DCC: variants seen among roughly 807,000 people sequenced by gnomAD.
DCC encodes netrin receptor DCC.
In DCC, 58 loss-of-function variants were observed where a neutral mutation model predicts 172.5. That is an observed-to-expected ratio of 0.34 (90% confidence interval 0.27 to 0.42). The LOEUF is 0.42. Among genes scored for constraint, DCC ranks in the 10% least tolerant of loss-of-function variants. The pLI is 1.00. For missense variants in DCC, 1,740 were observed against 1,791.0 expected (o/e 0.97, Z 0.51); for synonymous variants, 709 against 644.5 (o/e 1.10, Z -1.52).
At chr18:52,865,775 A>C (rs758061747) in intron 2 of DCC, among the ~76,000 whole-genome samples, 2 of 152,004 alleles carry the variant, frequency 1.3e-5, no homozygotes, top group Non-Finnish European at 2.9e-5. Context: ...TAGATTGCAA[A>C]ATTTTTCTCC....
chr18:53,148,865 C>CT (rs5824990), intron 7 of DCC, among the ~76,000 whole-genome samples: 5,005 of 109,750 alleles, frequency 0.046, 379 homozygotes, highest in African/African-American at 0.066. Flanking sequence ...TTCCCAATGC[C>CT]TTTTTTTTTT....
chr18:52,546,446 G>A (rs890900680), intron 1 of DCC, among the ~76,000 whole-genome samples: 28 of 152,096 alleles, frequency 1.8e-4, no homozygotes, highest in African/African-American at 6.8e-4. Flanking sequence ...TTATGAAGTA[G>A]ATTTTTCTTC....
intron 2 of DCC, among the ~76,000 whole-genome samples, chr18:52,888,028 ATGAAG>A (rs2039593862): frequency 6.6e-6 from 1 of 152,256 alleles, no homozygotes; most frequent in Non-Finnish European, 1.5e-5. Flanking sequence ...CACTTAATAA[ATGAAG>A]TGAGTCTCTT....
In DCC at chr18:52,771,840, G is replaced by A. The variant is rs1245091165; in HGVS notation, c.412+19466G>A. On this transcript the variant is annotated intron_variant, in intron 2 of 28. Transcript: ENST00000442544. ...GTAAGTTCAGTGCTTCTCAAATTTGGTGTGTAACAGAATCTTCTGTAGAAA... is the reference window on the plus strand; with the variant it reads ...GTAAGTTCAGTGCTTCTCAAATTTGATGTGTAACAGAATCTTCTGTAGAAA... 2.1e-5 allele frequency among the ~76,000 whole-genome samples: 3 copies of A among 144,384 alleles called. No homozygotes were observed. The Admixed American group carries it at 2.1e-4, about 10-fold the overall frequency. 94.7% of individuals were successfully genotyped at this position (144,384 alleles called of 152,430 possible).
chr18:52,377,136 C>T (rs1985382848), intron 1 of DCC, among the ~76,000 whole-genome samples: 1 of 152,136 alleles, frequency 6.6e-6, no homozygotes, highest in South Asian at 2.1e-4. Context: ...TAAACAAGTG[C>T]TTAACTTCAG....
intron 1 of DCC, among the ~76,000 whole-genome samples, chr18:52,399,953 AAAGT>A (rs1365265879): frequency 6.6e-6 from 1 of 152,028 alleles, no homozygotes; most frequent in East Asian, 1.9e-4. Context: ...GCCTACCTCA[AAAGT>A]AACAAATTAG....
Position 52,812,730 on chromosome 18 carries a change from G to A in DCC, c.412+60356G>A, listed in dbSNP as rs139465068. Among the ~76,000 whole-genome samples the A allele has an allele frequency of 3.5e-4, 53 of 152,346 alleles. No individual in the cohort carries two copies. In the Middle Eastern group the frequency reaches 0.01, roughly 29 times the overall value. Reference sequence around the variant, plus strand: ...TTTAATTAAACTGGATGCAGGTAATGGGGGTCTGGGTTTCGGCTGTCTCAC... The same window carrying A: ...TTTAATTAAACTGGATGCAGGTAATAGGGGTCTGGGTTTCGGCTGTCTCAC... On this transcript the variant is annotated intron_variant, in intron 2 of 28. Coordinates refer to ENST00000442544, the MANE Select transcript of DCC (RefSeq NM_005215.4).
At chr18:52,738,122 C>G (rs1022453187) in intron 1 of DCC, among the ~76,000 whole-genome samples, 6 of 152,090 alleles carry the variant, frequency 3.9e-5, no homozygotes, top group Non-Finnish European at 1.5e-5. Context: ...TTATCTGGCC[C>G]TTGATGGAAA....
intron 24 of DCC, 63 bp from the exon 25 acceptor site, chr18:53,467,831 G>C (rs925278800): frequency 2.3e-6 from 2 of 863,886 alleles, no homozygotes; most frequent in African/African-American, 3.3e-5. Flanking sequence ...ATGCCTGCTA[G>C]AAATTAGGTA....
intron 5 of DCC, among the ~76,000 whole-genome samples, chr18:53,023,555 C>T (rs2041914934): frequency 6.6e-6 from 1 of 151,896 alleles, no homozygotes; most frequent in Admixed American, 6.6e-5. Context: ...CAAACCTGCA[C>T]ATGGACCCCC....
chr18:52,588,326 A>G (rs2144791333), intron 1 of DCC, among the ~76,000 whole-genome samples: 1 of 152,320 alleles, frequency 6.6e-6, no homozygotes, highest in Non-Finnish European at 1.5e-5. Flanking sequence ...CAGGTTGCAC[A>G]GCAGCCTGCA....
At chr18:53,478,285 C>T (rs547490196) in intron 25 of DCC, among the ~76,000 whole-genome samples, 4 of 152,202 alleles carry the variant, frequency 2.6e-5, no homozygotes, top group African/African-American at 4.8e-5. Context: ...CTTGGGTGAG[C>T]GACTTAATTT....
At chr18:53,185,959 C>G (rs1480793607) in intron 9 of DCC, among the ~76,000 whole-genome samples, 1 of 152,136 alleles carries the variant, frequency 6.6e-6, no homozygotes, top group Non-Finnish European at 1.5e-5. Context: ...CATTAAAAAT[C>G]CATTACCTGG....
At chr18:53,340,944 A>G (rs2057652590) in intron 15 of DCC, among the ~76,000 whole-genome samples, 1 of 152,094 alleles carries the variant, frequency 6.6e-6, no homozygotes, top group African/African-American at 2.4e-5. Flanking sequence ...GCAAGAAAAG[A>G]TTTTCTCAGT....
chr18:52,842,983 A>C (rs574848900), intron 2 of DCC, among the ~76,000 whole-genome samples: 32 of 152,308 alleles, frequency 2.1e-4, no homozygotes, highest in Middle Eastern at 3.4e-3. Context: ...TTACTAATTT[A>C]GGTGCTTTTT....
chr18:52,627,627 CAAAA>C (rs772946905), intron 1 of DCC, among the ~76,000 whole-genome samples: 9 of 152,120 alleles, frequency 5.9e-5, no homozygotes, highest in Non-Finnish European at 1.0e-4. Context: ...GTAGAGAAAA[CAAAA>C]CAAACAAACA....
At chr18:52,969,017 C>CAACAACA (rs1555689404) in intron 5 of DCC, among the ~76,000 whole-genome samples, 12 of 150,434 alleles carry the variant, frequency 8.0e-5, no homozygotes, top group African/African-American at 2.9e-4. Context: ...ACAACAACAA[C>CAACAACA]AAAAAAAAAC....
chr18:52,394,625 T>C (rs528115443), intron 1 of DCC, among the ~76,000 whole-genome samples: 1 of 152,136 alleles, frequency 6.6e-6, no homozygotes, highest in South Asian at 2.1e-4. Context: ...TTTAAAAGCA[T>C]AAGTCAGTGG....
chr18:52,857,953 T>A (rs1013533869), intron 2 of DCC, among the ~76,000 whole-genome samples: 1 of 152,192 alleles, frequency 6.6e-6, no homozygotes, highest in Non-Finnish European at 1.5e-5. Flanking sequence ...CATTATTTGG[T>A]TAAAAGAATA....
Sources: gnomAD v4.1 joint callset for allele counts (sites outside exome capture counted in the v4.1 genomes callset) on GRCh38, gnomAD v4.1.1 for gene constraint, MANE v1.5 for transcripts, NCBI Gene and HGNC (gene_info 2026-07-23, HGNC 2026-07-21) for gene names.